DNAJC6: variants seen among roughly 807,000 people sequenced by gnomAD.
The protein encoded by DNAJC6 is DnaJ heat shock protein family (Hsp40) member C6, also known as auxilin.
Under a neutral mutation model 110.0 loss-of-function variants are expected in DNAJC6, and 34 were observed. That is an observed-to-expected ratio of 0.31 (90% CI 0.24 to 0.41). The LOEUF is 0.41. DNAJC6 is among the 10% of genes least tolerant of loss of function. The pLI, the probability that DNAJC6 is intolerant of heterozygous loss-of-function variation, is 1.00. For missense variants in DNAJC6, 1,031 were observed against 1,207.8 expected, an observed-to-expected ratio of 0.85 and a Z score of 2.17; for synonymous variants, 406 against 437.2, an observed-to-expected ratio of 0.93 and a Z score of 0.89.
At chr1:65,329,026 A>G (rs116566890) in intron 1 of DNAJC6, among the ~76,000 whole-genome samples, 349 of 152,274 alleles carry the variant, frequency 2.3e-3, no homozygotes, top group African/African-American at 8.0e-3. Context: ...TCATTTTATA[A>G]TTGCTCATAG....
chr1:65,326,294 A>G (rs1175150510), intron 1 of DNAJC6, among the ~76,000 whole-genome samples: 2 of 152,196 alleles, frequency 1.3e-5, no homozygotes, highest in Admixed American at 1.3e-4. Flanking sequence ...CTAAAGCAAG[A>G]CAGGAGTAGC....
At chr1:65,302,106 T>A (rs1188172430) in intron 1 of DNAJC6, among the ~76,000 whole-genome samples, 17 of 66,322 alleles carry the variant, frequency 2.6e-4, no homozygotes, top group Non-Finnish European at 6.7e-4. Flanking sequence ...ATATAATATA[T>A]AATATATATA....
At chr1:65,355,544 C>T (rs190549803) in intron 1 of DNAJC6, among the ~76,000 whole-genome samples, 81 of 152,250 alleles carry the variant, frequency 5.3e-4, no homozygotes, top group African/African-American at 1.8e-3. Flanking sequence ...TGTCCAGGGC[C>T]ACAGCTGTAG....
chr1:65,347,198 A>T (rs1177966021), intron 1 of DNAJC6, among the ~76,000 whole-genome samples: 1 of 152,186 alleles, frequency 6.6e-6, no homozygotes, highest in Non-Finnish European at 1.5e-5. Flanking sequence ...AAATGTGTAT[A>T]TGTACGTATA....
intron 1 of DNAJC6, among the ~76,000 whole-genome samples, chr1:65,287,609 T>C (rs954623337): frequency 2.0e-5 from 3 of 152,184 alleles, no homozygotes; most frequent in African/African-American, 7.2e-5. Context: ...ATCTCTTTTA[T>C]TTATTTTTTT....
chr1:65,319,318 G>T (rs974976233), intron 1 of DNAJC6, among the ~76,000 whole-genome samples: 6 of 152,180 alleles, frequency 3.9e-5, no homozygotes, highest in Non-Finnish European at 8.8e-5. Context: ...TGCCCATTAG[G>T]CTGTGCAGAT....
intron 1 of DNAJC6, among the ~76,000 whole-genome samples, chr1:65,303,071 A>G (rs1645004440): frequency 6.6e-6 from 1 of 152,236 alleles, no homozygotes. Context: ...AAAGTCAAGG[A>G]TAAGTTAAAT....
intron 1 of DNAJC6, among the ~76,000 whole-genome samples, chr1:65,314,440 G>A (rs1024595357): frequency 2.6e-5 from 4 of 152,108 alleles, no homozygotes; most frequent in Admixed American, 2.0e-4. Flanking sequence ...TCTGCCCATT[G>A]AAGGGTCTTG....
At chr1:65,290,391 C>T (rs1644858951) in intron 1 of DNAJC6, among the ~76,000 whole-genome samples, 1 of 152,150 alleles carries the variant, frequency 6.6e-6, no homozygotes, top group South Asian at 2.1e-4. Flanking sequence ...TTCACAGTTC[C>T]TACTTTTTGA....
chr1:65,281,415 C>G (rs1277569549), intron 1 of DNAJC6, among the ~76,000 whole-genome samples: 1 of 152,112 alleles, frequency 6.6e-6, no homozygotes, highest in Non-Finnish European at 1.5e-5. Context: ...TTAATAGTCG[C>G]TCCCCTTTTC....
At chr1:65,348,015 T>G (rs142895371) in intron 1 of DNAJC6, among the ~76,000 whole-genome samples, 52 of 152,282 alleles carry the variant, frequency 3.4e-4, no homozygotes, top group Admixed American at 1.1e-3. Flanking sequence ...TTCTGGTGAT[T>G]CGTATGTTTG....
chr1:65,409,539 C>T (rs548219616), intron 17 of DNAJC6, among the ~76,000 whole-genome samples: 103 of 152,236 alleles, frequency 6.8e-4, no homozygotes, highest in African/African-American at 2.4e-3. Flanking sequence ...AAGAAGAATG[C>T]ATTATTTATG....
chr1:65,281,053 A>C (rs1307590559), intron 1 of DNAJC6, among the ~76,000 whole-genome samples: 1 of 152,006 alleles, frequency 6.6e-6, no homozygotes, highest in African/African-American at 2.4e-5. Context: ...CTTGTGCCTC[A>C]GCCTTCTGGG....
At chr1:65,372,819 ACAGT>A (rs1262613686) in intron 4 of DNAJC6, among the ~76,000 whole-genome samples, 1 of 152,188 alleles carries the variant, frequency 6.6e-6, no homozygotes. Context: ...TATTAGAGAA[ACAGT>A]CAGAGCCAAG....
At chr1:65,316,484 CTCCCTCTAGTCTGTAAGTAAAGT>C (rs1336652005) in intron 1 of DNAJC6, among the ~76,000 whole-genome samples, 6 of 152,210 alleles carry the variant, frequency 3.9e-5, no homozygotes, top group Non-Finnish European at 2.9e-5. Context: ...TGGCCTGTCT[CTCCCTCTAGTCTGTAAGTAAAGT>C]TCAGAGCAAG....
intron 6 of DNAJC6, among the ~76,000 whole-genome samples, chr1:65,384,922 C>G (rs1645856688): frequency 6.6e-6 from 1 of 152,184 alleles, no homozygotes; most frequent in South Asian, 2.1e-4. Flanking sequence ...TTAAAGAATA[C>G]TTATATCCAA....
intron 13 of DNAJC6, 145 bp downstream of exon 13, chr1:65,395,177 T>G (rs1046561030): frequency 1.1e-6 from 1 of 909,682 alleles, no homozygotes; most frequent in Non-Finnish European, 1.6e-6. Context: ...ACAACTCACC[T>G]TAACATATCA....
At chr1:65,377,217 G>C (rs7534332) in intron 4 of DNAJC6, among the ~76,000 whole-genome samples, 38,027 of 151,958 alleles carry the variant, frequency 0.25, 8,246 homozygotes, top group East Asian at 0.61. Context: ...CTTGAACCTG[G>C]GTTTTAAAAG....
intron 1 of DNAJC6, among the ~76,000 whole-genome samples, chr1:65,356,493 G>A (rs968468005): frequency 2.0e-4 from 31 of 151,716 alleles, no homozygotes; most frequent in African/African-American, 7.5e-4. Context: ...GAGCCCAGGA[G>A]GTGGAGGTTG....
Sources: gnomAD v4.1 joint callset for allele counts (sites outside exome capture counted in the v4.1 genomes callset) on GRCh38, gnomAD v4.1.1 for gene constraint, MANE v1.5 for transcripts, NCBI Gene and HGNC (gene_info 2026-07-23, HGNC 2026-07-21) for gene names.